The following COL5A1 variants were observed in gnomAD, a reference collection of about 807,000 sequenced individuals.
The protein encoded by COL5A1 is collagen alpha-1(V) chain.
A neutral mutation model predicts 263.7 loss-of-function variants in COL5A1; 16 were observed. That is an observed-to-expected ratio of 0.06 (90% CI 0.04 to 0.09). COL5A1 has a LOEUF of 0.09. Ranked by LOEUF, COL5A1 falls within the 10% of genes least tolerant of loss-of-function variation. The probability of loss-of-function intolerance (pLI) is 1.00; values close to 1 mark genes in which losing one functional copy is unlikely to be tolerated. For missense variants in COL5A1, 2,036 were observed against 2,540.5 expected (o/e 0.80, Z 4.27); for synonymous variants, 1,012 against 1,004.5 (o/e 1.01, Z -0.14).
chr9:134,728,898 GA>G (rs1834757720), intron 6 of COL5A1, 91 bp downstream of exon 6: 1 of 1,541,102 alleles, frequency 6.5e-7, no homozygotes, highest in Non-Finnish European at 8.9e-7. Flanking sequence ...TGTCAGGGTA[GA>G]GGGTTGGGGG....
At chr9:134,799,560 T>C (rs1391829344) in intron 37 of COL5A1, among the ~76,000 whole-genome samples, 2 of 152,186 alleles carry the variant, frequency 1.3e-5, no homozygotes, top group South Asian at 2.1e-4. Flanking sequence ...TCTACAGGAC[T>C]CTCCCAGCAA....
intron 64 of COL5A1, among the ~76,000 whole-genome samples, chr9:134,831,384 C>T (rs1839617493): frequency 6.6e-6 from 1 of 152,252 alleles, no homozygotes; most frequent in East Asian, 1.9e-4. Flanking sequence ...TTGCCGTGGA[C>T]TTGCAGTCCT....
chr9:134,685,681 TCCATCC>T (rs1431119973), intron 1 of COL5A1, among the ~76,000 whole-genome samples: 1 of 134,858 alleles, frequency 7.4e-6, no homozygotes. Context: ...CCATCCACCA[TCCATCC>T]ACCATCATCC....
chr9:134,805,878 G>A (rs994428666), intron 41 of COL5A1, among the ~76,000 whole-genome samples: 3 of 152,096 alleles, frequency 2.0e-5, no homozygotes, highest in African/African-American at 7.2e-5. Context: ...GGAGGAGAGA[G>A]GGTGCCCCGT....
intron 2 of COL5A1, among the ~76,000 whole-genome samples, chr9:134,694,000 A>G (rs1200155328): frequency 6.6e-6 from 1 of 152,138 alleles, no homozygotes; most frequent in Non-Finnish European, 1.5e-5. Context: ...GCAGTTGTAG[A>G]GGTAGAAGAG....
chr9:134,734,159 C>T (rs148437172), intron 9 of COL5A1, among the ~76,000 whole-genome samples: 1,923 of 152,164 alleles, frequency 0.013, 18 homozygotes, highest in Middle Eastern at 0.024. Context: ...GCCAGGCACC[C>T]GGGAAGGCAG....
chr9:134,725,503 G>T (rs1366062255), intron 4 of COL5A1, among the ~76,000 whole-genome samples: 1 of 152,138 alleles, frequency 6.6e-6, no homozygotes, highest in Non-Finnish European at 1.5e-5. Context: ...GTGCTGCCAG[G>T]GTGACTCCTA....
chr9:134,730,129 A>T, intron 6 of COL5A1, 107 bp from the exon 7 acceptor site: 1 of 1,517,312 alleles, frequency 6.6e-7, no homozygotes, highest in Non-Finnish European at 9.0e-7. Context: ...CCTGGGCTCC[A>T]GGCGTTGCCA....
chr9:134,741,259 A>G lies in COL5A1; in HGVS notation c.1494+2451A>G, dbSNP rs1835293010. Among the ~76,000 whole-genome samples, 1 of 152,182 alleles carries G rather than the reference A, an allele frequency of 6.6e-6. No individual in the cohort carries two copies. Among genetic ancestry groups the G allele is most frequent in the Admixed American group, 6.5e-5 (1 of 15,274 alleles). On this transcript the variant is annotated intron_variant, in intron 11 of 65. Coordinates refer to ENST00000371817, the MANE Select transcript of COL5A1 (RefSeq NM_000093.5). The surrounding 1 kb of genome is among the most constrained non-coding windows in gnomAD (Gnocchi z 4.5). ...GAGGTTGAGCATCTGGGGCCTCCAAAAGACAGATTAACAAGAGAAGAGGCA... is the reference window on the plus strand; with the variant it reads ...GAGGTTGAGCATCTGGGGCCTCCAAGAGACAGATTAACAAGAGAAGAGGCA...
intron 4 of COL5A1, among the ~76,000 whole-genome samples, chr9:134,715,214 A>G (rs540873370): frequency 3.9e-5 from 6 of 152,204 alleles, no homozygotes; most frequent in East Asian, 3.9e-4. Flanking sequence ...TCTCTGTATC[A>G]TAAGTTTAGA....
chr9:134,810,331 G>T (rs1199320476), intron 44 of COL5A1, 23 bp downstream of exon 44: 3 of 1,611,284 alleles, frequency 1.9e-6, no homozygotes, highest in African/African-American at 2.7e-5. Flanking sequence ...ACGGGGGCGC[G>T]CGGCAGCCCC....
chr9:134,733,011 A>C (rs1218639226), intron 9 of COL5A1, among the ~76,000 whole-genome samples: 8 of 152,212 alleles, frequency 5.3e-5, no homozygotes, highest in African/African-American at 1.9e-4. Context: ...GGGAGGAGCC[A>C]GCACCAAGGC....
At chr9:134,691,106 G>C (rs760779935) in intron 2 of COL5A1, 27 bp downstream of exon 2, 1 of 1,611,276 alleles carries the variant, frequency 6.2e-7, no homozygotes, top group South Asian at 1.1e-5. Context: ...TCTGTTTGGG[G>C]CGGTGGGTCC....
intron 9 of COL5A1, among the ~76,000 whole-genome samples, chr9:134,734,308 G>A (rs967655721): frequency 4.7e-5 from 7 of 149,438 alleles, no homozygotes; most frequent in Non-Finnish European, 1.5e-5. Flanking sequence ...GGAAAGTCCA[G>A]TTCACCTTTG....
intron 11 of COL5A1, among the ~76,000 whole-genome samples, chr9:134,747,535 C>CCA (rs1185246657): frequency 2.4e-5 from 2 of 83,988 alleles, no homozygotes; most frequent in Non-Finnish European, 4.5e-5. Flanking sequence ...GTTCACACAT[C>CCA]CACACACACC....
At position 134,677,397 on chromosome 9, in the gene COL5A1, A is replaced by T. The variant is rs1832711754; in HGVS notation, c.110-13515A>T. Among the ~76,000 whole-genome samples the T allele has an allele frequency of 6.6e-6, 1 of 152,094 alleles. No individual in the cohort carries two copies. On this transcript the variant is annotated intron_variant, in intron 1 of 65. Transcript: ENST00000371817. This position sits in a 1 kb window ranked among gnomAD's most constrained non-coding sequence, Gnocchi z 4.4. ...TGTGCTGGGTTCCACTGAGCATTTC[A>T]GGACAGCAGGAGAGGTTTCTCACTG...
rs1837863011 is a variant in COL5A1 at position 134,795,329 on chromosome 9, C to T, written c.2799+14C>T. ...CCTGGCCCCAAGGTATGTTTTTGGC[C>T]TCCTGGGCGGTGGGCGGCGTGAACC... On this transcript the variant is annotated intron_variant, in intron 34 of 65. Coordinates refer to ENST00000371817, the MANE Select transcript of COL5A1 (RefSeq NM_000093.5). The T allele has an allele frequency of 6.2e-7, 1 of 1,613,322 alleles. No individual in the cohort carries two copies. The highest frequency in any genetic ancestry group is 8.5e-7 in the Non-Finnish European group (1 of 1,179,852).
In COL5A1 at chr9:134,750,532, T is replaced by C; in HGVS notation, c.1495-10T>C. 1 of 1,613,424 alleles carries C rather than the reference T, an allele frequency of 6.2e-7. No individual in the cohort carries two copies. Among genetic ancestry groups the C allele is most frequent in the Admixed American group, 1.7e-5 (1 of 60,028 alleles). The stretch of plus-strand genomic sequence containing the variant: ...ACTCTGACTTGTCTCTCTTGGCCCC[T>C]TGTCTTCAGGGCCCCCCTGGACGCC... On this transcript the variant is annotated splice_polypyrimidine_tract_variant and intron_variant, in intron 11 of 65. Coordinates refer to ENST00000371817, the MANE Select transcript of COL5A1 (RefSeq NM_000093.5).
At chr9:134,735,172 C>T (rs1835052056) in intron 9 of COL5A1, among the ~76,000 whole-genome samples, 1 of 150,974 alleles carries the variant, frequency 6.6e-6, no homozygotes, top group Admixed American at 6.6e-5. Flanking sequence ...AAGATTGCGC[C>T]ACTGCACTCC....
Sources: allele counts gnomAD v4.1 joint callset (sites outside exome capture counted in the v4.1 genomes callset), GRCh38; gene constraint gnomAD v4.1.1; non-coding constraint Gnocchi (gnomAD v3.1); transcripts MANE v1.5; gene names NCBI Gene and HGNC (gene_info 2026-07-23, HGNC 2026-07-21).